Variants in ZUP1 observed in about 807,000 individuals in gnomAD.
ZUP1 encodes zinc finger-containing ubiquitin peptidase 1.
ZUP1 carries 55 observed loss-of-function variants against 68.1 expected under a neutral mutation model. The observed-to-expected ratio is 0.81, with a 90% CI of 0.65 to 1.01. The LOEUF (loss-of-function observed/expected upper bound fraction) is 1.01. Ranked by LOEUF, ZUP1 falls within the 50% of genes least tolerant of loss-of-function variation. The pLI, the probability that ZUP1 is intolerant of heterozygous loss-of-function variation, is 0.00. For synonymous variants in ZUP1, 223 were observed against 221.5 expected, an observed-to-expected ratio of 1.01 and a Z score of -0.06; for missense variants, 684 against 674.9, an observed-to-expected ratio of 1.01 and a Z score of -0.15.
Position 116,656,717 on chromosome 6 carries a change from G to A in ZUP1, c.928C>T (p.Leu310Phe). The change falls in exon 5 of 10, where the codon CTT (leucine) becomes TTT (phenylalanine). Residue 310 changes from leucine to phenylalanine, a missense_variant. Coordinates refer to ENST00000368576, the MANE Select transcript of ZUP1 (RefSeq NM_145062.3). Reference protein sequence around the residue: ...RKADMMESLALGFDDGKTKTS... With the variant: ...RKADMMESLAFGFDDGKTKTS... ...TTTGTTTTTCCATCGTCAAAACCAA[G>A]AGCTAATGATTCCATCATATCAGCT... The A allele has an allele frequency of 1.2e-6, 2 of 1,611,144 alleles. No homozygotes were observed. Among genetic ancestry groups the A allele is most frequent in the Non-Finnish European group, 1.7e-6 (2 of 1,179,096 alleles).
intron 4 of ZUP1, among the ~76,000 whole-genome samples, chr6:116,658,564 G>A (rs1471385888): frequency 6.6e-6 from 1 of 152,116 alleles, no homozygotes; most frequent in Non-Finnish European, 1.5e-5. Context: ...GAAAAAAAAG[G>A]GGGCGTGGGA....
chr6:116,656,490 G>A (rs1485004915), intron 5 of ZUP1, among the ~76,000 whole-genome samples, 194 bp downstream of exon 5: 1 of 152,036 alleles, frequency 6.6e-6, no homozygotes, highest in Non-Finnish European at 1.5e-5. Context: ...TAAATGTCAA[G>A]TAACATAATA....
intron 4 of ZUP1, 96 bp downstream of exon 4, chr6:116,658,707 T>G: frequency 8.0e-7 from 1 of 1,245,498 alleles, no homozygotes; most frequent in African/African-American, 1.5e-5. Flanking sequence ...AAATTTTTTT[T>G]GAATAATAAC....
intron 5 of ZUP1, among the ~76,000 whole-genome samples, chr6:116,655,663 A>G (rs1004182682): frequency 1.3e-5 from 2 of 152,226 alleles, no homozygotes; most frequent in African/African-American, 2.4e-5. Flanking sequence ...GAAAAAAGCC[A>G]TATTATGGGG....
chr6:116,650,318 A>T (rs1338675435), intron 7 of ZUP1, among the ~76,000 whole-genome samples: 1 of 147,350 alleles, frequency 6.8e-6, no homozygotes, highest in African/African-American at 2.5e-5. Flanking sequence ...GCTACTAGGG[A>T]GGCTGAGGCA....
At chr6:116,640,357 G>C (rs947554081) in intron 9 of ZUP1, among the ~76,000 whole-genome samples, 2 of 152,108 alleles carry the variant, frequency 1.3e-5, no homozygotes, top group South Asian at 4.1e-4. Context: ...GATACTCCTC[G>C]AGAAGAGCAA....
chr6:116,666,608 A>C, intron 2 of ZUP1, 26 bp downstream of exon 2: 1 of 1,514,570 alleles, frequency 6.6e-7, no homozygotes, highest in Non-Finnish European at 8.8e-7. Flanking sequence ...GTAAACTTAT[A>C]ATTTATAATG....
At chr6:116,648,762 G>A (rs1431927980) in intron 7 of ZUP1, among the ~76,000 whole-genome samples, 2 of 151,798 alleles carry the variant, frequency 1.3e-5, no homozygotes, top group Non-Finnish European at 2.9e-5. Flanking sequence ...AGGAGTTCAA[G>A]ACCAGCCTGG....
At chr6:116,660,187 T>C (rs1776793058) in intron 3 of ZUP1, 1 of 152,572 alleles carries the variant, frequency 6.6e-6, no homozygotes, top group African/African-American at 2.4e-5. Flanking sequence ...GGATCATTGA[T>C]ACTGGACACT....
rs748972362 is a variant in ZUP1, at chr6:116,652,020, G to A, written c.1134C>T (p.Tyr378=). 11 of 1,613,644 alleles carry A rather than the reference G, an allele frequency of 6.8e-6. No homozygotes were observed. The highest frequency in any genetic ancestry group is 5.0e-5 in the Admixed American group (3 of 59,984). Residue 378 remains tyrosine (Y), a synonymous_variant, in exon 6 of 10, where the codon TAC becomes TAT. Transcript: ENST00000368576. ...LLSSLLQNDA[Y]NDCLKGMLIP... ...TTCACATACCTTTTAAGCAATCGTT[G>A]TAAGCATCATTTTGTAATAATGATG... is the stretch of plus-strand genomic sequence containing the variant.
At chr6:116,663,806 G>A (rs1039606471) in intron 2 of ZUP1, among the ~76,000 whole-genome samples, 3 of 151,932 alleles carry the variant, frequency 2.0e-5, no homozygotes, top group African/African-American at 4.8e-5. Flanking sequence ...AATTAGCTGG[G>A]CGTGGTGGTG....
In ZUP1 at chr6:116,667,165, T is replaced by A. The variant is rs1165868326; in HGVS notation, c.28A>T (p.Thr10Ser). 1.9e-6 allele frequency: 3 copies of A among 1,594,168 alleles called. No individual in the cohort carries two copies. The highest frequency in any genetic ancestry group is 2.6e-6 in the Non-Finnish European group (3 of 1,169,930). The change falls in exon 2 of 10, where the codon ACA (threonine) becomes TCA (serine). Residue 10 changes from threonine (T) to serine (S), a missense_variant. Physicochemically the swap from Thr to Ser is moderately conservative, Grantham distance 58. Coordinates refer to ENST00000368576, the MANE Select transcript of ZUP1 (RefSeq NM_145062.3). ...TTCATGTCTGGTTCTGAGGTTACTG[T>A]TTCACCACAAATATTACAGGAAAGC... MLSCNICGE[T>S]VTSEPDMKAH...
intron 8 of ZUP1, among the ~76,000 whole-genome samples, chr6:116,647,050 T>C (rs9488996): frequency 0.58 from 87,789 of 152,042 alleles, 25,520 homozygotes; most frequent in South Asian, 0.66. Context: ...AATTACCCAA[T>C]GAAGTATTGT....
intron 2 of ZUP1, 53 bp downstream of exon 2, chr6:116,666,581 C>T: frequency 7.0e-7 from 1 of 1,431,938 alleles, no homozygotes. Context: ...TAAAATACCA[C>T]ATATTAAATT....
chr6:116,639,117 C>G (rs932176197), intron 9 of ZUP1, among the ~76,000 whole-genome samples: 1 of 152,200 alleles, frequency 6.6e-6, no homozygotes, highest in African/African-American at 2.4e-5. Flanking sequence ...AACTGCAAGG[C>G]GGCAGCAAGG....
chr6:116,663,092 T>G (rs1180871844), intron 2 of ZUP1, among the ~76,000 whole-genome samples: 1 of 152,136 alleles, frequency 6.6e-6, no homozygotes, highest in Non-Finnish European at 1.5e-5. Context: ...TACCCTTAAT[T>G]TATCACTAAG....
chr6:116,656,392 A>C (rs1020403654), intron 5 of ZUP1, among the ~76,000 whole-genome samples: 1 of 151,818 alleles, frequency 6.6e-6, no homozygotes, highest in Non-Finnish European at 1.5e-5. Context: ...CCTCCTTTTC[A>C]CTTTTGTTAA....
chr6:116,662,313 C>T (rs1254894806), intron 2 of ZUP1, among the ~76,000 whole-genome samples: 1 of 152,152 alleles, frequency 6.6e-6, no homozygotes, highest in African/African-American at 2.4e-5. Context: ...CCAATCCCTC[C>T]ACCCCTTCTA....
In ZUP1 at chr6:116,667,173, C is replaced by G; in HGVS notation, c.20G>C (p.Cys7Ser). The G allele has an allele frequency of 6.3e-7, 1 of 1,585,628 alleles. No individual in the cohort carries two copies. Among genetic ancestry groups the G allele is most frequent in the Non-Finnish European group, 8.6e-7 (1 of 1,165,510 alleles). ...TGGTTCTGAGGTTACTGTTTCACCA[C>G]AAATATTACAGGAAAGCATGGTATT... MLSCNI[C>S]GETVTSEPDM... Residue 7 changes from cysteine to serine, a missense_variant, in exon 2 of 10, where the codon TGT becomes TCT. Cys to Ser is a moderately radical substitution (Grantham distance 112, BLOSUM62 -1). Coordinates refer to ENST00000368576, the MANE Select transcript of ZUP1 (RefSeq NM_145062.3).
Sources: gnomAD v4.1 joint callset for allele counts (sites outside exome capture counted in the v4.1 genomes callset) on GRCh38, gnomAD v4.1.1 for gene constraint, MANE v1.5 for transcripts, NCBI Gene and HGNC (gene_info 2026-07-23, HGNC 2026-07-21) for gene names.